WWOX: variants seen among roughly 807,000 people sequenced by gnomAD.
WWOX encodes WW domain-containing oxidoreductase.
Under a neutral mutation model 46.2 loss-of-function variants are expected in WWOX, and 69 were observed. The observed-to-expected ratio is 1.49, with a 90% CI of 1.23 to 1.82. WWOX has a LOEUF of 1.82. Ranked by LOEUF, WWOX falls within the 40% of genes most tolerant of loss-of-function variation. The pLI, the probability that WWOX is intolerant of heterozygous loss-of-function variation, is 0.00. For synonymous variants in WWOX, 359 were observed against 202.6 expected (o/e 1.77, Z -6.56); for missense variants, 919 against 542.6 (o/e 1.69, Z -6.89).
intron 8 of WWOX, among the ~76,000 whole-genome samples, chr16:79,064,397 A>C (rs964194193): frequency 6.6e-6 from 1 of 152,192 alleles, no homozygotes; most frequent in Non-Finnish European, 1.5e-5. Context: ...TCTAGACCTA[A>C]AGGTTATTTT....
intron 8 of WWOX, among the ~76,000 whole-genome samples, chr16:78,715,985 G>T (rs1163343746): frequency 3.3e-5 from 5 of 152,084 alleles, no homozygotes; most frequent in Non-Finnish European, 7.4e-5. Context: ...TATTACAGAG[G>T]TTTGAGCAAG....
intron 5 of WWOX, chr16:78,278,659 A>G: frequency 3.7e-6 from 6 of 1,608,714 alleles, no homozygotes; most frequent in Non-Finnish European, 5.1e-6. Context: ...TCCACTAGCA[A>G]AAGAAGGAAA....
intron 5 of WWOX, among the ~76,000 whole-genome samples, chr16:78,311,945 T>C (rs774142239): frequency 1.6e-4 from 25 of 152,150 alleles, no homozygotes; most frequent in Non-Finnish European, 3.1e-4. Flanking sequence ...CTGTGTTCTT[T>C]TGGATACTGT....
At chr16:78,872,304 G>A (rs1347578551) in intron 8 of WWOX, among the ~76,000 whole-genome samples, 4 of 152,174 alleles carry the variant, frequency 2.6e-5, no homozygotes, top group Non-Finnish European at 5.9e-5. Flanking sequence ...AGAAAGATGG[G>A]CATAAGGAAA....
Position 78,997,329 on chromosome 16 carries a change from T to C in WWOX, c.1057-214279T>C, listed in dbSNP as rs549366078. Among the ~76,000 whole-genome samples, 20 of 152,306 alleles carry C rather than the reference T, an allele frequency of 1.3e-4. No homozygotes were observed. In the South Asian group the frequency reaches 2.5e-3, roughly 19 times the overall value. On this transcript the variant is annotated intron_variant, in intron 8 of 8. Transcript: ENST00000566780. ...ACCTATATCAGCTTTGGAAATAACG[T>C]ACCTCTTAACTGCATGGAAAATCTA...
At chr16:78,702,799 G>T (rs183835653) in intron 8 of WWOX, among the ~76,000 whole-genome samples, 3 of 152,204 alleles carry the variant, frequency 2.0e-5, no homozygotes, top group Non-Finnish European at 4.4e-5. Context: ...ATTTGGAGAA[G>T]CTCTGTGTGC....
At chr16:78,868,500 C>T (rs1019293659) in intron 8 of WWOX, among the ~76,000 whole-genome samples, 3 of 151,938 alleles carry the variant, frequency 2.0e-5, no homozygotes, top group Non-Finnish European at 4.4e-5. Context: ...TGTATATTTA[C>T]AATGGTTAAA....
At chr16:78,879,560 A>G (rs769383504) in intron 8 of WWOX, among the ~76,000 whole-genome samples, 1 of 152,128 alleles carries the variant, frequency 6.6e-6, no homozygotes, top group East Asian at 1.9e-4. Flanking sequence ...ATTTCCATCC[A>G]AGAGGCAACA....
chr16:78,818,812 C>T lies in WWOX; in HGVS notation c.1056+386060C>T, dbSNP rs114117242. Among the ~76,000 whole-genome samples the T allele has an allele frequency of 7.6e-3, 1,155 of 152,296 alleles. 14 individuals carry two copies. Among genetic ancestry groups the T allele is most frequent in the African/African-American group, 0.027 (1,102 of 41,560 alleles). On this transcript the variant is annotated intron_variant, in intron 8 of 8. Coordinates refer to ENST00000566780, the MANE Select transcript of WWOX (RefSeq NM_016373.4). ...TGAATTGGAGCCAGTATACGTAATT[C>T]CAAAGGTTGCTTTTAAGCGTAAGTG...
Position 78,831,242 on chromosome 16 carries a change from C to T in WWOX, c.1057-380366C>T, listed in dbSNP as rs577296051. Reference sequence around the variant, plus strand: ...TGTTTTCCCTCCAGCCCTCATTTCCCCCTTTATAAGCTGTGTCTTAGCTAG... The same window carrying T: ...TGTTTTCCCTCCAGCCCTCATTTCCTCCTTTATAAGCTGTGTCTTAGCTAG... On this transcript the variant is annotated intron_variant, in intron 8 of 8. Coordinates refer to ENST00000566780, the MANE Select transcript of WWOX (RefSeq NM_016373.4). Among the ~76,000 whole-genome samples the T allele has an allele frequency of 8.5e-5, 13 of 152,266 alleles. No homozygotes were observed. The South Asian group carries it at 1.7e-3, about 19-fold the overall frequency.
chr16:78,140,131 A>C (rs1484535116), intron 4 of WWOX, among the ~76,000 whole-genome samples: 1 of 152,152 alleles, frequency 6.6e-6, no homozygotes, highest in East Asian at 1.9e-4. Context: ...CATTTGTGTC[A>C]AGTTGGTTGA....
At chr16:78,383,349 G>C (rs560147674) in intron 5 of WWOX, among the ~76,000 whole-genome samples, 1 of 152,226 alleles carries the variant, frequency 6.6e-6, no homozygotes, top group South Asian at 2.1e-4. Context: ...GGTGTTCTCT[G>C]TACCAGTTTG....
chr16:78,281,426 T>A (rs1468534784), intron 5 of WWOX, among the ~76,000 whole-genome samples: 1 of 152,198 alleles, frequency 6.6e-6, no homozygotes, highest in Non-Finnish European at 1.5e-5. Context: ...ATCAGGAGTT[T>A]CCTCTTACAC....
intron 5 of WWOX, among the ~76,000 whole-genome samples, chr16:78,243,372 AAAC>A (rs1273503884): frequency 6.6e-6 from 1 of 152,076 alleles, no homozygotes; most frequent in Non-Finnish European, 1.5e-5. Context: ...ATTTTTTAAA[AAAC>A]TTTAGTTTCT....
chr16:78,694,553 C>T (rs981938527), intron 8 of WWOX, among the ~76,000 whole-genome samples: 1 of 152,120 alleles, frequency 6.6e-6, no homozygotes, highest in African/African-American at 2.4e-5. Context: ...CTGGTAGCAG[C>T]CTGCATGGTG....
intron 6 of WWOX, 78 bp downstream of exon 6, chr16:78,387,026 G>A: frequency 1.4e-6 from 2 of 1,416,400 alleles, no homozygotes; most frequent in Non-Finnish European, 2.0e-6. Flanking sequence ...ACAATTGGGA[G>A]AATGCAAGGC....
chr16:78,957,402 C>G (rs1332845981), intron 8 of WWOX, among the ~76,000 whole-genome samples: 2 of 152,180 alleles, frequency 1.3e-5, no homozygotes, highest in Non-Finnish European at 2.9e-5. Context: ...GTTGTAAAAA[C>G]ACCCACAAAT....
At chr16:78,812,608 C>T (rs944156109) in intron 8 of WWOX, among the ~76,000 whole-genome samples, 2 of 152,018 alleles carry the variant, frequency 1.3e-5, no homozygotes. Flanking sequence ...CACCTGTAAT[C>T]CCAGCTGCTC....
chr16:79,045,442 C>G (rs964252235), intron 8 of WWOX, among the ~76,000 whole-genome samples: 2 of 152,170 alleles, frequency 1.3e-5, no homozygotes, highest in South Asian at 4.1e-4. Context: ...TGAGAGGATA[C>G]TCTCAGGAAA....
Sources: gnomAD v4.1 joint callset for allele counts (sites outside exome capture counted in the v4.1 genomes callset) on GRCh38, gnomAD v4.1.1 for gene constraint, MANE v1.5 for transcripts, NCBI Gene and HGNC (gene_info 2026-07-23, HGNC 2026-07-21) for gene names.